The following PLCE1 variants were observed in gnomAD, a reference collection of about 807,000 sequenced individuals.
PLCE1 encodes 1-phosphatidylinositol 4,5-bisphosphate phosphodiesterase epsilon-1.
PLCE1 carries 119 observed loss-of-function variants against 242.8 expected under a neutral mutation model. The ratio of observed to expected loss-of-function variants is 0.49; its 90% CI spans 0.42 to 0.57. The LOEUF (loss-of-function observed/expected upper bound fraction) is 0.57, where lower values mean the gene tolerates loss of function less well. Ranked by LOEUF, PLCE1 falls within the 20% of genes least tolerant of loss-of-function variation. PLCE1 has a pLI of 0.00. For synonymous variants in PLCE1, 945 were observed against 1,017.4 expected (o/e 0.93, Z 1.35); for missense variants, 2,441 against 2,788.8 (o/e 0.88, Z 2.81).
At chr10:94,235,062 T>TCTCACACACACA in intron 6 of PLCE1, among the ~76,000 whole-genome samples, 1 of 135,542 alleles carries the variant, frequency 7.4e-6, no homozygotes, top group Non-Finnish European at 1.6e-5. Context: ...TACTGACCTT[T>TCTCACACACACA]CACACACACA....
chr10:94,037,865 A>G (rs1273590384), intron 2 of PLCE1, among the ~76,000 whole-genome samples: 2 of 152,198 alleles, frequency 1.3e-5, no homozygotes, highest in African/African-American at 4.8e-5. Flanking sequence ...AGTGTAAGGT[A>G]AATGCACTGG....
rs74151968 is a variant in PLCE1 at position 94,010,160 on chromosome 10, A to G, written c.-365+15902A>G. Among the ~76,000 whole-genome samples, 151 of 152,318 alleles carry G rather than the reference A, an allele frequency of 9.9e-4. 1 individual carries two copies. Among genetic ancestry groups the G allele is most frequent in the African/African-American group, 3.5e-3 (146 of 41,576 alleles). On this transcript the variant is annotated intron_variant, in intron 1 of 32. Coordinates refer to ENST00000371380, the MANE Select transcript of PLCE1 (RefSeq NM_016341.4). ...TCACACTTGCATCCTGTGCACCTGC[A>G]CACTTAACACCGCATGGAAGCCACC... is the stretch of plus-strand genomic sequence containing the variant.
intron 2 of PLCE1, among the ~76,000 whole-genome samples, chr10:94,115,527 G>A (rs1305257576): frequency 6.6e-6 from 1 of 152,188 alleles, no homozygotes; most frequent in East Asian, 1.9e-4. Flanking sequence ...GTGATGATCA[G>A]CATTTTTTCA....
intron 4 of PLCE1, among the ~76,000 whole-genome samples, chr10:94,171,991 AATCACCTC>A (rs1285740137): frequency 3.3e-5 from 5 of 152,166 alleles, no homozygotes; most frequent in Non-Finnish European, 7.3e-5. Context: ...AGGGGCAGTG[AATCACCTC>A]GGTTCTCTCT....
intron 4 of PLCE1, among the ~76,000 whole-genome samples, chr10:94,187,881 G>A (rs535681722): frequency 8.9e-4 from 136 of 152,220 alleles, no homozygotes; most frequent in African/African-American, 3.1e-3. Context: ...AAAACATGCC[G>A]GACTGGCCCT....
chr10:94,113,064 C>T (rs955642678), intron 2 of PLCE1, among the ~76,000 whole-genome samples: 11 of 151,936 alleles, frequency 7.2e-5, no homozygotes, highest in Middle Eastern at 3.4e-3. Context: ...AAATCTGTAG[C>T]GATGGAAGGT....
intron 1 of PLCE1, among the ~76,000 whole-genome samples, chr10:94,029,705 A>G (rs1002870814): frequency 3.3e-5 from 5 of 152,056 alleles, no homozygotes; most frequent in Non-Finnish European, 7.4e-5. Flanking sequence ...TATAGAAGGG[A>G]TTAAGGGGTA....
At position 94,298,515 on chromosome 10, in the gene PLCE1, G is replaced by C. The variant is rs780564274; in HGVS notation, c.5304G>C (p.Leu1768=). The change falls in exon 24 of 33, where the codon CTG becomes CTC. Residue 1768 remains leucine, a synonymous_variant. Transcript: ENST00000371380. The surrounding 1 kb of genome is among the most constrained non-coding windows in gnomAD (Gnocchi z 5.2). ...TGAATGAAAATGCCGCCAAACGTCTGTGTCGCAGGTATTCTCAGAAACTGA... is the reference window on the plus strand; with the variant it reads ...TGAATGAAAATGCCGCCAAACGTCTCTGTCGCAGGTATTCTCAGAAACTGA... The part of the protein sequence containing the change: ...SSLNENAAKR[L]CRRYSQKLTQ... The C allele has an allele frequency of 8.1e-6, 13 of 1,613,928 alleles. No homozygotes were observed. Among genetic ancestry groups the C allele is most frequent in the Non-Finnish European group, 1.1e-5 (13 of 1,180,006 alleles).
At chr10:94,154,322 A>T (rs1652425380) in intron 3 of PLCE1, among the ~76,000 whole-genome samples, 1 of 152,082 alleles carries the variant, frequency 6.6e-6, no homozygotes, top group African/African-American at 2.4e-5. Context: ...AAGTTAACTC[A>T]AAATGAATCA....
intron 3 of PLCE1, among the ~76,000 whole-genome samples, chr10:94,134,061 G>A (rs868489720): frequency 6.6e-6 from 1 of 151,500 alleles, no homozygotes; most frequent in East Asian, 1.9e-4. Flanking sequence ...TAATCAACAT[G>A]TGTAGACTAA....
chr10:94,268,816 G>T, intron 16 of PLCE1, 113 bp from the exon 17 acceptor site: 1 of 713,322 alleles, frequency 1.4e-6, no homozygotes, highest in Non-Finnish European at 2.6e-6. Context: ...TTGCCCTTCT[G>T]CTTTAGTCCT....
At chr10:94,129,346 T>G (rs2046526982) in intron 2 of PLCE1, among the ~76,000 whole-genome samples, 2 of 152,222 alleles carry the variant, frequency 1.3e-5, no homozygotes. Context: ...ACATGGGAAA[T>G]AGTTAAGCAA....
intron 3 of PLCE1, among the ~76,000 whole-genome samples, chr10:94,135,936 C>A (rs1393101661): frequency 1.3e-5 from 2 of 151,976 alleles, no homozygotes; most frequent in Non-Finnish European, 2.9e-5. Flanking sequence ...GAAAATTGCC[C>A]CAGTAATTTT....
chr10:94,246,581 GA>G lies in PLCE1; in HGVS notation c.3057del (p.Arg1019SerfsTer63), dbSNP rs2050689605. ...AAGATGAGGAAATTCCCTGACCAAA[GA>G]CAGCAGTGGCTGCGGAAACAGTACG... ...VRKMRKFPDQ[R>X]QQWLRKQYVS... On this transcript the variant is annotated frameshift_variant, in exon 8 of 33. Transcript: ENST00000371380. LOFTEE classifies it high-confidence loss of function. 1 of 1,614,052 alleles carries G rather than the reference GA, an allele frequency of 6.2e-7. No homozygotes were observed. Among genetic ancestry groups the G allele is most frequent in the Admixed American group, 1.7e-5 (1 of 60,008 alleles).
chr10:94,093,550 A>G (rs1015975377), intron 2 of PLCE1, among the ~76,000 whole-genome samples: 6 of 152,244 alleles, frequency 3.9e-5, no homozygotes, highest in Non-Finnish European at 8.8e-5. Flanking sequence ...GTGTCCATTA[A>G]TTAAATAAAT....
At position 94,045,893 on chromosome 10, in the gene PLCE1, G is replaced by A. The variant is rs548927966; in HGVS notation, c.1206+13641G>A. Among the ~76,000 whole-genome samples, 10 of 152,028 alleles carry A rather than the reference G, an allele frequency of 6.6e-5. No homozygotes were observed. In the South Asian group the frequency reaches 2.1e-3, roughly 32 times the overall value. ...AGGCGGGTGGATCACAAGGTCAGGA[G>A]ATCGAGACCATCCTGGCTAACATGG... On this transcript the variant is annotated intron_variant, in intron 2 of 32. Transcript: ENST00000371380.
chr10:94,246,088 G>A lies in PLCE1; in HGVS notation c.2563G>A (p.Ala855Thr), dbSNP rs772039022. 4 of 1,614,110 alleles carry A rather than the reference G, an allele frequency of 2.5e-6. No homozygotes were observed. Among genetic ancestry groups the A allele is most frequent in the Non-Finnish European group, 3.4e-6 (4 of 1,180,002 alleles). The part of the protein sequence containing the change: ...LIPWYVLSIQ[A>T]DVHQFLLQGA... Reference sequence around the variant, plus strand: ...CCCTTGGTACGTGCTGTCCATCCAAGCCGATGTGCACCAGTTCCTGCTGCA... The same window carrying A: ...CCCTTGGTACGTGCTGTCCATCCAAACCGATGTGCACCAGTTCCTGCTGCA... Residue 855 changes from alanine to threonine, a missense_variant, in exon 8 of 33, where the codon GCC becomes ACC. Physicochemically the swap from Ala to Thr is moderately conservative, Grantham distance 58. Around this residue, in one of 5 missense-constraint regions of PLCE1, gnomAD observed 733 missense variants for 754.2 expected, o/e 0.97. Coordinates refer to ENST00000371380, the MANE Select transcript of PLCE1 (RefSeq NM_016341.4).
rs2053206700 is a variant in PLCE1, at chr10:94,306,373, GTCTT to G, written c.5623-48_5623-45del. 3.7e-6 allele frequency: 6 copies of G among 1,613,846 alleles called. No individual in the cohort carries two copies. Among genetic ancestry groups the G allele is most frequent in the African/African-American group, 1.3e-5 (1 of 74,918 alleles). On this transcript the variant is annotated intron_variant, in intron 25 of 32. Transcript: ENST00000371380. This position sits in a 1 kb window ranked among gnomAD's most constrained non-coding sequence, Gnocchi z 5.7. ...AGGGAAGCAGTGAGGTGCAGAGGTT[GTCTT>G]TCTTTTTTATCCTCGGTGACTTTGA...
At chr10:94,081,177 T>G (rs148413440) in intron 2 of PLCE1, among the ~76,000 whole-genome samples, 1 of 152,342 alleles carries the variant, frequency 6.6e-6, no homozygotes, top group African/African-American at 2.4e-5. Flanking sequence ...TTTTTCCATT[T>G]TACCTATTTG....
Sources: gnomAD v4.1 joint callset for allele counts (sites outside exome capture counted in the v4.1 genomes callset) on GRCh38, gnomAD v4.1.1 for gene constraint, gnomAD v4.1.1 regional missense constraint, Gnocchi (gnomAD v3.1) non-coding constraint, MANE v1.5 for transcripts, NCBI Gene and HGNC (gene_info 2026-07-23, HGNC 2026-07-21) for gene names.